Variants in TPCN2 observed in about 807,000 individuals in gnomAD.
The protein encoded by TPCN2 is two pore segment channel 2, also known as two pore channel protein 2.
Under a neutral mutation model 111.4 loss-of-function variants are expected in TPCN2, and 92 were observed. The observed-to-expected ratio is 0.83, with a 90% CI of 0.70 to 0.98. The LOEUF is 0.98. TPCN2 is among the 50% of genes least tolerant of loss of function. TPCN2 has a pLI of 0.00. For missense variants in TPCN2, 995 were observed against 980.1 expected (o/e 1.02, Z -0.20); for synonymous variants, 405 against 414.5 (o/e 0.98, Z 0.28).
At chr11:69,074,525 A>G (rs36034474) in intron 13 of TPCN2, among the ~76,000 whole-genome samples, 66,678 of 152,074 alleles carry the variant, frequency 0.44, 15,218 homozygotes, top group South Asian at 0.66. Flanking sequence ...AAAGTTAAGA[A>G]GCACCATTCT....
Position 69,084,073 on chromosome 11 carries a change from G to A in TPCN2, c.1761+57G>A, listed in dbSNP as rs1856161886. 3 of 1,569,514 alleles carry A rather than the reference G, an allele frequency of 1.9e-6. No individual in the cohort carries two copies. In the South Asian group the frequency reaches 3.3e-5, roughly 17 times the overall value. On this transcript the variant is annotated intron_variant, in intron 19 of 24. Coordinates refer to ENST00000294309, the MANE Select transcript of TPCN2 (RefSeq NM_139075.4). ...ATGCACTGGAGTGGGAGGCTGGGAG[G>A]CTGGCGGAAGGCAGTGCCGGGCCGG...
chr11:69,049,391 C>T (rs1200251155), intron 1 of TPCN2, among the ~76,000 whole-genome samples: 1 of 152,204 alleles, frequency 6.6e-6, no homozygotes, highest in Non-Finnish European at 1.5e-5. Context: ...CTTGGGCAGC[C>T]CCGAGGGAAC....
intron 1 of TPCN2, among the ~76,000 whole-genome samples, chr11:69,051,600 C>A (rs1043048534): frequency 6.6e-6 from 1 of 152,204 alleles, no homozygotes; most frequent in South Asian, 2.1e-4. Context: ...ATTAGGAAGC[C>A]GTGTCGAGGC....
rs139557215 is a variant in TPCN2 at position 69,071,712 on chromosome 11, G to A, written c.961-211G>A. ...GCCCAGCATATTGCGCAGCACGCCC[G>A]TCAGACTCCTTCCTGTGCGGCCTGT... On this transcript the variant is annotated intron_variant, in intron 10 of 24. Coordinates refer to ENST00000294309, the MANE Select transcript of TPCN2 (RefSeq NM_139075.4). Among the ~76,000 whole-genome samples the A allele has an allele frequency of 8.0e-3, 1,223 of 152,224 alleles. 18 individuals are homozygous for A. Among genetic ancestry groups the A allele is most frequent in the African/African-American group, 0.028 (1,157 of 41,538 alleles).
chr11:69,062,209 C>T (rs1434872519), intron 5 of TPCN2, among the ~76,000 whole-genome samples: 1 of 152,130 alleles, frequency 6.6e-6, no homozygotes, highest in Non-Finnish European at 1.5e-5. Flanking sequence ...GTCATTGCTG[C>T]AGGGAGGGTA....
chr11:69,085,807 C>T (rs768349849), intron 21 of TPCN2, 41 bp from the exon 22 acceptor site: 20 of 1,612,640 alleles, frequency 1.2e-5, no homozygotes, highest in Non-Finnish European at 1.6e-5. Flanking sequence ...CCCCTCCCTA[C>T]CTCCTGGGCC....
chr11:69,089,548 G>T lies in TPCN2; in HGVS notation c.*1595G>T. 6.6e-6 allele frequency: 1 copy of T among 152,398 alleles called. No homozygotes were observed. The allele number at this position is 152,398 out of a possible 1,614,324, so 9.4% of individuals were successfully genotyped here. ...TTGTGTTCATGTGACGTTTCCTTGTGGTAGGTTCTGGGTCTGCGTTTCGTC... is the reference window on the plus strand; with the variant it reads ...TTGTGTTCATGTGACGTTTCCTTGTTGTAGGTTCTGGGTCTGCGTTTCGTC... On this transcript the variant is annotated 3_prime_UTR_variant, in exon 25 of 25. Coordinates refer to ENST00000294309, the MANE Select transcript of TPCN2 (RefSeq NM_139075.4).
intron 8 of TPCN2, among the ~76,000 whole-genome samples, chr11:69,069,629 T>G (rs1273236034): frequency 1.3e-5 from 1 of 78,338 alleles, no homozygotes; most frequent in African/African-American, 5.5e-5. Flanking sequence ...GTGACCGCAG[T>G]GGGAGCAGGA....
chr11:69,083,238 T>C (rs533762975), intron 18 of TPCN2: 29 of 153,132 alleles, frequency 1.9e-4, no homozygotes, highest in Admixed American at 1.7e-3. Context: ...GCCGTTTTGC[T>C]TGAAGTCGCA....
intron 7 of TPCN2, among the ~76,000 whole-genome samples, chr11:69,066,473 A>G (rs1041938959): frequency 3.9e-5 from 6 of 152,088 alleles, no homozygotes; most frequent in African/African-American, 9.7e-5. Flanking sequence ...GTCTTCACCA[A>G]TTAGCTCACG....
intron 13 of TPCN2, among the ~76,000 whole-genome samples, chr11:69,075,454 G>A (rs1392798606): frequency 2.0e-5 from 3 of 152,154 alleles, no homozygotes; most frequent in Admixed American, 1.3e-4. Context: ...GGGGAATAAG[G>A]GTAAGAAAAC....
intron 18 of TPCN2, among the ~76,000 whole-genome samples, chr11:69,082,226 C>T (rs2134631130): frequency 6.6e-6 from 1 of 152,344 alleles, no homozygotes; most frequent in East Asian, 1.9e-4. Context: ...CACGTGTTCA[C>T]ACATAATTAC....
chr11:69,076,010 T>C (rs915451627), intron 13 of TPCN2, among the ~76,000 whole-genome samples: 2 of 152,200 alleles, frequency 1.3e-5, no homozygotes, highest in African/African-American at 4.8e-5. Flanking sequence ...GAAATCTCTC[T>C]TGGCCAAGGT....
At chr11:69,069,145 C>G (rs1276907071) in intron 8 of TPCN2, among the ~76,000 whole-genome samples, 1 of 139,340 alleles carries the variant, frequency 7.2e-6, no homozygotes, top group Non-Finnish European at 1.6e-5. Context: ...TGTCTGAGTC[C>G]TAGGAAGTGA....
At chr11:69,074,158 G>C (rs927430025) in intron 13 of TPCN2, among the ~76,000 whole-genome samples, 3 of 152,240 alleles carry the variant, frequency 2.0e-5, no homozygotes, top group African/African-American at 7.2e-5. Context: ...GTGGCTGCAG[G>C]ACCCTGTCAG....
chr11:69,077,505 G>A (rs1023788879), intron 13 of TPCN2, among the ~76,000 whole-genome samples: 1 of 152,268 alleles, frequency 6.6e-6, no homozygotes, highest in African/African-American at 2.4e-5. Flanking sequence ...GATGTCGGGA[G>A]CCGAGAGGAA....
At position 69,087,126 on chromosome 11, in the gene TPCN2, G is replaced by A; in HGVS notation, c.2100G>A (p.Lys700=). Residue 700 remains lysine (K), a synonymous_variant, in exon 24 of 25, where the codon AAG becomes AAA. Transcript: ENST00000294309. ...LALILENFLH[K]WDPRSHLQPL... is the part of the protein sequence containing the mutation. The stretch of plus-strand genomic sequence containing the variant: ...CTGCTTGCCAGAACTTCCTTCACAA[G>A]TGGGACCCCCGCAGCCACCTGCAGC... 6 of 1,613,860 alleles carry A rather than the reference G, an allele frequency of 3.7e-6. No individual in the cohort carries two copies. The highest frequency in any genetic ancestry group is 5.1e-6 in the Non-Finnish European group (6 of 1,179,852).
intron 24 of TPCN2, among the ~76,000 whole-genome samples, chr11:69,087,425 C>G (rs1233262099): frequency 6.6e-6 from 1 of 152,190 alleles, no homozygotes; most frequent in East Asian, 1.9e-4. Context: ...GTCCTGCTCT[C>G]CTGCTCTTGG....
intron 4 of TPCN2, among the ~76,000 whole-genome samples, chr11:69,057,106 GGGATTACA>G (rs1854806524): frequency 6.6e-6 from 1 of 152,216 alleles, no homozygotes; most frequent in Non-Finnish European, 1.5e-5. Flanking sequence ...CCAAAGTGCT[GGGATTACA>G]GGCGTGAGCC....
Sources: gnomAD v4.1 joint callset for allele counts (sites outside exome capture counted in the v4.1 genomes callset) on GRCh38, gnomAD v4.1.1 for gene constraint, MANE v1.5 for transcripts, NCBI Gene and HGNC (gene_info 2026-07-23, HGNC 2026-07-21) for gene names.